The following PDZRN4 variants were observed in gnomAD, a reference collection of about 807,000 sequenced individuals.
PDZRN4 encodes PDZ domain containing ring finger 4.
Under a neutral mutation model 99.0 loss-of-function variants are expected in PDZRN4, and 70 were observed. The observed-to-expected ratio is 0.71, with a 90% CI of 0.58 to 0.86. PDZRN4 has a LOEUF of 0.86. PDZRN4 is among the 40% of genes least tolerant of loss of function. The pLI, the probability that PDZRN4 is intolerant of heterozygous loss-of-function variation, is 0.00. For synonymous variants in PDZRN4, 551 were observed against 501.6 expected (o/e 1.10, Z -1.32); for missense variants, 1,474 against 1,331.2 (o/e 1.11, Z -1.67).
chr12:41,378,748 C>G (rs1242481580), intron 3 of PDZRN4, among the ~76,000 whole-genome samples: 1 of 152,066 alleles, frequency 6.6e-6, no homozygotes, highest in Non-Finnish European at 1.5e-5. Context: ...TTCTTGAACT[C>G]CTGACCTCAG....
At chr12:41,301,994 G>C (rs1487741247) in intron 3 of PDZRN4, among the ~76,000 whole-genome samples, 2 of 152,018 alleles carry the variant, frequency 1.3e-5, no homozygotes, top group Admixed American at 6.6e-5. Context: ...CCATAATATA[G>C]TATTGGTTAA....
In PDZRN4 at chr12:41,456,987, G is replaced by A. The variant is rs1465037003; in HGVS notation, c.844-49469G>A. ...CATAGTGTGTGGGCAAAGGGTGATGGCCATACCAGGAAGACAGGATTGTTT... is the reference window on the plus strand; with the variant it reads ...CATAGTGTGTGGGCAAAGGGTGATGACCATACCAGGAAGACAGGATTGTTT... On this transcript the variant is annotated intron_variant, in intron 3 of 9. Coordinates refer to ENST00000402685, the MANE Select transcript of PDZRN4 (RefSeq NM_001164595.2). Among the ~76,000 whole-genome samples, 5 of 152,138 alleles carry A rather than the reference G, an allele frequency of 3.3e-5. No homozygotes were observed. The East Asian group carries it at 7.7e-4, about 23-fold the overall frequency.
chr12:41,229,897 T>C (rs987568136), intron 3 of PDZRN4, among the ~76,000 whole-genome samples: 2 of 152,124 alleles, frequency 1.3e-5, no homozygotes, highest in Non-Finnish European at 2.9e-5. Flanking sequence ...TATATTTTTT[T>C]AAATACAATA....
intron 3 of PDZRN4, among the ~76,000 whole-genome samples, chr12:41,500,601 T>C (rs1292979531): frequency 1.3e-5 from 2 of 152,098 alleles, no homozygotes; most frequent in Non-Finnish European, 1.5e-5. Context: ...AAGGTCGAAG[T>C]TAATTTTAGT....
intron 3 of PDZRN4, among the ~76,000 whole-genome samples, chr12:41,351,351 G>T (rs1335264821): frequency 1.3e-5 from 2 of 152,048 alleles, no homozygotes; most frequent in Non-Finnish European, 2.9e-5. Flanking sequence ...AAAGTCAGTG[G>T]GGGATTCAGA....
chr12:41,373,170 A>G (rs1952055622), intron 3 of PDZRN4, among the ~76,000 whole-genome samples: 1 of 152,186 alleles, frequency 6.6e-6, no homozygotes, highest in Admixed American at 6.5e-5. Flanking sequence ...TCACAAGGCA[A>G]ACGGAGGCAG....
In PDZRN4 at chr12:41,469,885, A is replaced by C. The variant is rs557453739; in HGVS notation, c.844-36571A>C. ...GCAGAGCTTGCAGTGAGCAGAGATC[A>C]CGCCACTGCACTCCAGCCTGGGTGA... On this transcript the variant is annotated intron_variant, in intron 3 of 9. Transcript: ENST00000402685. Among the ~76,000 whole-genome samples, 19 of 152,256 alleles carry C rather than the reference A, an allele frequency of 1.2e-4. No homozygotes were observed. In the South Asian group the frequency reaches 2.7e-3, roughly 22 times the overall value.
At chr12:41,445,418 TAA>T (rs1441065583) in intron 3 of PDZRN4, among the ~76,000 whole-genome samples, 2 of 152,102 alleles carry the variant, frequency 1.3e-5, no homozygotes, top group Non-Finnish European at 2.9e-5. Flanking sequence ...GGTTTCTTTA[TAA>T]GTGTTAAGTA....
At chr12:41,407,491 C>T (rs554278752) in intron 3 of PDZRN4, among the ~76,000 whole-genome samples, 1 of 152,056 alleles carries the variant, frequency 6.6e-6, no homozygotes, top group Non-Finnish European at 1.5e-5. Flanking sequence ...ATTTCATGTT[C>T]ATAATAACTA....
At chr12:41,429,020 T>C (rs936307564) in intron 3 of PDZRN4, among the ~76,000 whole-genome samples, 16 of 152,096 alleles carry the variant, frequency 1.1e-4, no homozygotes, top group African/African-American at 3.4e-4. Flanking sequence ...GAAACAGTTA[T>C]GGGGGAAAAG....
At chr12:41,467,844 A>T (rs1022187333) in intron 3 of PDZRN4, among the ~76,000 whole-genome samples, 8 of 152,198 alleles carry the variant, frequency 5.3e-5, no homozygotes, top group Non-Finnish European at 1.2e-4. Flanking sequence ...TCCATGAATC[A>T]TTCATAATTC....
chr12:41,471,106 C>T (rs907400629), intron 3 of PDZRN4, among the ~76,000 whole-genome samples: 1 of 152,180 alleles, frequency 6.6e-6, no homozygotes. Flanking sequence ...GAAATGACCC[C>T]TTTAAGAAAC....
At chr12:41,564,532 A>G (rs1418571521) in intron 8 of PDZRN4, among the ~76,000 whole-genome samples, 1 of 152,168 alleles carries the variant, frequency 6.6e-6, no homozygotes, top group African/African-American at 2.4e-5. Flanking sequence ...GTAACTACAT[A>G]CTATCTATAA....
intron 3 of PDZRN4, among the ~76,000 whole-genome samples, chr12:41,332,841 T>G (rs1951749491): frequency 6.6e-6 from 1 of 151,334 alleles, no homozygotes; most frequent in Non-Finnish European, 1.5e-5. Flanking sequence ...CTGAAGTATG[T>G]GGAACTGCAA....
chr12:41,554,722 T>G (rs1301502054), intron 6 of PDZRN4, among the ~76,000 whole-genome samples: 1 of 152,148 alleles, frequency 6.6e-6, no homozygotes, highest in Non-Finnish European at 1.5e-5. Context: ...GCCTTAAATA[T>G]CTATACATTC....
chr12:41,422,391 TC>T (rs987333216), intron 3 of PDZRN4, among the ~76,000 whole-genome samples: 7 of 152,176 alleles, frequency 4.6e-5, no homozygotes, highest in African/African-American at 1.7e-4. Context: ...GTGTTGGTTA[TC>T]ATTATTATAG....
chr12:41,417,523 C>CAGTA (rs1952454923), intron 3 of PDZRN4, among the ~76,000 whole-genome samples: 1 of 152,172 alleles, frequency 6.6e-6, no homozygotes, highest in African/African-American at 2.4e-5. Context: ...GTGTACCAGG[C>CAGTA]AGTATTCAAG....
chr12:41,311,370 T>C (rs1443486430), intron 3 of PDZRN4, among the ~76,000 whole-genome samples: 2 of 151,864 alleles, frequency 1.3e-5, no homozygotes, highest in Non-Finnish European at 2.9e-5. Flanking sequence ...AATATAGGAG[T>C]TCAGAATGAG....
intron 3 of PDZRN4, among the ~76,000 whole-genome samples, chr12:41,336,424 T>C (rs1244221786): frequency 6.6e-6 from 1 of 152,146 alleles, no homozygotes; most frequent in Non-Finnish European, 1.5e-5. Context: ...CTGACATTTC[T>C]TCCCAGAATA....
Sources: allele counts gnomAD v4.1 joint callset (sites outside exome capture counted in the v4.1 genomes callset), GRCh38; gene constraint gnomAD v4.1.1; transcripts MANE v1.5; gene names NCBI Gene and HGNC (gene_info 2026-07-23, HGNC 2026-07-21).